The following GTF2A1 variants were observed in gnomAD, a reference collection of about 807,000 sequenced individuals.
GTF2A1 encodes the protein general transcription factor IIA subunit 1.
GTF2A1 carries 12 observed loss-of-function variants against 54.1 expected under a neutral mutation model. That is an observed-to-expected ratio of 0.22 (90% confidence interval 0.14 to 0.36). GTF2A1 has a LOEUF of 0.36. Ranked by LOEUF, GTF2A1 falls within the 10% of genes least tolerant of loss-of-function variation. The pLI, the probability that GTF2A1 is intolerant of heterozygous loss-of-function variation, is 1.00. For missense variants in GTF2A1, 335 were observed against 442.2 expected (o/e 0.76, Z 2.17); for synonymous variants, 145 against 152.0 (o/e 0.95, Z 0.34).
intron 7 of GTF2A1, among the ~76,000 whole-genome samples, chr14:81,187,567 TG>T (rs1892777655): frequency 6.6e-6 from 1 of 152,222 alleles, no homozygotes; most frequent in Non-Finnish European, 1.5e-5. Flanking sequence ...GCTGTCTGTA[TG>T]GATTTGCCTA....
intron 2 of GTF2A1, among the ~76,000 whole-genome samples, chr14:81,209,564 A>C (rs1893316820): frequency 6.6e-6 from 1 of 152,148 alleles, no homozygotes; most frequent in South Asian, 2.1e-4. Context: ...GACTCTCTGG[A>C]AAATCCAAAA....
At position 81,203,201 on chromosome 14, in the gene GTF2A1, G is replaced by C. The variant is rs1273878010; in HGVS notation, c.337+699C>G. The stretch of plus-strand genomic sequence containing the variant: ...ACTGAGCCAAGGGCTATTTTACAAA[G>C]CCCTTATAAGATGCCAGTGAAACAG... On this transcript the variant is annotated intron_variant, in intron 3 of 8. Coordinates refer to ENST00000553612, the MANE Select transcript of GTF2A1 (RefSeq NM_015859.4). Among the ~76,000 whole-genome samples the C allele has an allele frequency of 2.0e-5, 3 of 152,290 alleles. No homozygotes were observed. In the East Asian group the frequency reaches 5.8e-4, roughly 29 times the overall value.
intron 6 of GTF2A1, 76 bp downstream of exon 6, chr14:81,196,032 G>A: frequency 7.5e-7 from 1 of 1,329,244 alleles, no homozygotes; most frequent in African/African-American, 1.4e-5. Context: ...TGCATATAAG[G>A]AGAGGGAAAC....
chr14:81,209,911 T>A (rs766371221), intron 2 of GTF2A1: 1 of 1,276,860 alleles, frequency 7.8e-7, no homozygotes, highest in Non-Finnish European at 1.0e-6. Flanking sequence ...GAACATCTTC[T>A]GGGCAGCAAC....
chr14:81,181,342 TA>T (rs545488574), intron 8 of GTF2A1, among the ~76,000 whole-genome samples: 11,769 of 137,984 alleles, frequency 0.085, 1,421 homozygotes, highest in African/African-American at 0.27. Flanking sequence ...TAAAGGTACC[TA>T]AAAAAAAAAA....
chr14:81,216,538 T>A (rs764939042), intron 1 of GTF2A1, 24 bp from the exon 2 acceptor site: 11 of 1,064,442 alleles, frequency 1.0e-5, no homozygotes, highest in Non-Finnish European at 1.6e-5. Flanking sequence ...ATAAAAGACT[T>A]GAAAAAGACA....
At chr14:81,204,219 C>G (rs1313226714) in intron 2 of GTF2A1, 115 bp from the exon 3 acceptor site, 1 of 814,564 alleles carries the variant, frequency 1.2e-6, no homozygotes, top group African/African-American at 1.7e-5. Flanking sequence ...GATACAGACA[C>G]AGAAATACAA....
chr14:81,204,961 A>G (rs531112438), intron 2 of GTF2A1, among the ~76,000 whole-genome samples: 5 of 151,940 alleles, frequency 3.3e-5, no homozygotes, highest in Non-Finnish European at 7.4e-5. Flanking sequence ...AAATACAGAT[A>G]AAACTTCATT....
At chr14:81,205,698 G>C (rs1246253910) in intron 2 of GTF2A1, among the ~76,000 whole-genome samples, 7 of 152,132 alleles carry the variant, frequency 4.6e-5, no homozygotes, top group African/African-American at 1.2e-4. Context: ...CCCAAAAGGG[G>C]AACCAACTGA....
In GTF2A1 at chr14:81,197,428, C is replaced by T. The variant is rs1233048872; in HGVS notation, c.459G>A (p.Gln153=). 2 of 1,567,920 alleles carry T rather than the reference C, an allele frequency of 1.3e-6. No homozygotes were observed. Among genetic ancestry groups the T allele is most frequent in the Non-Finnish European group, 1.7e-6 (2 of 1,143,182 alleles). ...LALPAGVTPV[Q]QILTNSGQLL... is the part of the protein sequence containing the mutation. ...AATTACCTGAATTTGTTAATATCTG[C>T]TGAACAGGAGTCACACCTGCAGGGA... Residue 153 remains glutamine (Q), a synonymous_variant, in exon 5 of 9, where the codon CAG becomes CAA. Transcript: ENST00000553612.
At chr14:81,218,379 C>T (rs916164296) in intron 1 of GTF2A1, among the ~76,000 whole-genome samples, 1 of 152,112 alleles carries the variant, frequency 6.6e-6, no homozygotes. Flanking sequence ...GCTTCATAAG[C>T]CCTATAGGTG....
At chr14:81,185,822 A>G (rs1308628286) in intron 7 of GTF2A1, among the ~76,000 whole-genome samples, 1 of 152,202 alleles carries the variant, frequency 6.6e-6, no homozygotes, top group Non-Finnish European at 1.5e-5. Context: ...TAAATTAGCT[A>G]AGCTATGTAA....
intron 1 of GTF2A1, among the ~76,000 whole-genome samples, chr14:81,218,645 T>C (rs1283582879): frequency 1.3e-5 from 2 of 152,084 alleles, no homozygotes; most frequent in Non-Finnish European, 2.9e-5. Context: ...TAAGAACTGG[T>C]AAATCAGAGG....
At chr14:81,210,741 T>G (rs1405733217) in intron 2 of GTF2A1, among the ~76,000 whole-genome samples, 8 of 151,980 alleles carry the variant, frequency 5.3e-5, no homozygotes, top group Admixed American at 5.2e-4. Context: ...TTTTAGTAGA[T>G]ACGGGGTTTC....
At chr14:81,204,815 GAAAGA>G (rs1555390095) in intron 2 of GTF2A1, among the ~76,000 whole-genome samples, 32 of 152,230 alleles carry the variant, frequency 2.1e-4, no homozygotes, top group African/African-American at 4.1e-4. Flanking sequence ...TGGACAAAAA[GAAAGA>G]AAAGAAAAGA....
Position 81,203,934 on chromosome 14 carries a change from C to G in GTF2A1, c.303G>C (p.Gln101His). The G allele has an allele frequency of 2.5e-6, 4 of 1,614,084 alleles. No individual in the cohort carries two copies. Among genetic ancestry groups the G allele is most frequent in the Non-Finnish European group, 3.4e-6 (4 of 1,179,980 alleles). Reference protein sequence around the residue: ...QPQQTVPQQAQTQQVLIPASQ... With the variant: ...QPQQTVPQQAHTQQVLIPASQ... ...ATGCAGGAATAAGAACCTGCTGGGT[C>G]TGCGCTTGCTGAGGTACTGTCTGCT... The change falls in exon 3 of 9, where the codon CAG (glutamine) becomes CAC (histidine). Residue 101 changes from glutamine to histidine, a missense_variant. Transcript: ENST00000553612.
rs1055553776 is a variant in GTF2A1 at position 81,177,503 on chromosome 14, T to G, written c.*2720A>C. 2.0e-5 allele frequency: 3 copies of G among 152,182 alleles called. No homozygotes were observed. The highest frequency in any genetic ancestry group is 2.9e-5 in the Non-Finnish European group (2 of 67,970). The allele number at this position is 152,182 out of a possible 1,614,324, so 9.4% of individuals were successfully genotyped here. On this transcript the variant is annotated 3_prime_UTR_variant, in exon 9 of 9. Transcript: ENST00000553612. ...GCACACATTTCCATGTTTTATCTTG[T>G]AATTTTGTGTAAATTTTCCTTAGCA...
chr14:81,187,401 TTCAC>T (rs1458364801), intron 7 of GTF2A1, among the ~76,000 whole-genome samples: 1 of 151,944 alleles, frequency 6.6e-6, no homozygotes, highest in Non-Finnish European at 1.5e-5. Context: ...GTTAACAACA[TTCAC>T]TATTTTAGCA....
At chr14:81,218,375 T>A (rs1473808743) in intron 1 of GTF2A1, among the ~76,000 whole-genome samples, 1 of 152,208 alleles carries the variant, frequency 6.6e-6, no homozygotes, top group Non-Finnish European at 1.5e-5. Context: ...AACAGCTTCA[T>A]AAGCCCTATA....
Sources: gnomAD v4.1 joint callset for allele counts (sites outside exome capture counted in the v4.1 genomes callset) on GRCh38, gnomAD v4.1.1 for gene constraint, MANE v1.5 for transcripts, NCBI Gene and HGNC (gene_info 2026-07-23, HGNC 2026-07-21) for gene names.